The following GPR39 variants were observed in gnomAD, a reference collection of about 807,000 sequenced individuals.
GPR39 encodes G protein-coupled receptor 39.
In GPR39, 23 loss-of-function variants were observed where a neutral mutation model predicts 18.4. That is an observed-to-expected ratio of 1.25 (90% CI 0.90 to 1.77). The LOEUF (loss-of-function observed/expected upper bound fraction) is 1.77, where lower values mean the gene tolerates loss of function less well. Ranked by LOEUF, GPR39 falls within the 40% of genes most tolerant of loss-of-function variation. The pLI is 0.00. For synonymous variants in GPR39, 280 were observed against 257.9 expected (o/e 1.09, Z -0.82); for missense variants, 647 against 602.4 (o/e 1.07, Z -0.78).
At chr2:132,614,182 T>TTTTG (rs1553460242) in intron 1 of GPR39, among the ~76,000 whole-genome samples, 2 of 151,914 alleles carry the variant, frequency 1.3e-5, no homozygotes, top group Non-Finnish European at 2.9e-5. Context: ...GCTTGCTTTT[T>TTTTG]TTTTTGTTTT....
At chr2:132,499,854 G>A (rs963199608) in intron 1 of GPR39, among the ~76,000 whole-genome samples, 7 of 152,066 alleles carry the variant, frequency 4.6e-5, no homozygotes, top group African/African-American at 1.4e-4. Context: ...ACTGTGAAAG[G>A]AGTTGAGTTC....
At chr2:132,490,946 G>T (rs1045225529) in intron 1 of GPR39, among the ~76,000 whole-genome samples, 1 of 152,160 alleles carries the variant, frequency 6.6e-6, no homozygotes, top group Non-Finnish European at 1.5e-5. Context: ...GAGGGCAAAG[G>T]CCACAAATAC....
rs34508615 is a variant in GPR39 at position 132,451,147 on chromosome 2, CTG to C, written c.856+33276_856+33277del. On this transcript the variant is annotated intron_variant, in intron 1 of 1. Coordinates refer to ENST00000329321, the MANE Select transcript of GPR39 (RefSeq NM_001508.3). ...CTGAGAGCCATTGCTATCTTTGAGG[CTG>C]TGTGTGTGTGTGTGTGTGTGTGTGT... 7.0e-3 allele frequency among the ~76,000 whole-genome samples: 740 copies of C among 105,912 alleles called. 9 individuals are homozygous for C. The highest frequency in any genetic ancestry group is 0.017 in the African/African-American group (589 of 35,598). 69.5% of individuals were successfully genotyped at this position (105,912 alleles called of 152,430 possible).
intron 1 of GPR39, among the ~76,000 whole-genome samples, chr2:132,522,953 G>A (rs933502225): frequency 1.3e-5 from 2 of 152,222 alleles, no homozygotes; most frequent in Admixed American, 1.3e-4. Flanking sequence ...CCCTTGGCAT[G>A]TGCATGTGGC....
intron 1 of GPR39, among the ~76,000 whole-genome samples, chr2:132,558,745 G>A (rs1680197615): frequency 1.3e-5 from 2 of 152,288 alleles, no homozygotes; most frequent in Middle Eastern, 3.4e-3. Context: ...CAAGTAATAA[G>A]CATTAGTGAC....
At chr2:132,469,869 T>C (rs991762290) in intron 1 of GPR39, among the ~76,000 whole-genome samples, 1 of 152,226 alleles carries the variant, frequency 6.6e-6, no homozygotes, top group African/African-American at 2.4e-5. Context: ...AGGAGGCTGC[T>C]GTGCCCGAAG....
chr2:132,462,572 G>T (rs1158787150), intron 1 of GPR39, among the ~76,000 whole-genome samples: 2 of 152,288 alleles, frequency 1.3e-5, no homozygotes, highest in East Asian at 3.9e-4. Flanking sequence ...ACAATGACAA[G>T]AACTGCTTTT....
intron 1 of GPR39, among the ~76,000 whole-genome samples, chr2:132,517,950 CT>C (rs565032318): frequency 6.6e-6 from 1 of 152,130 alleles, no homozygotes; most frequent in African/African-American, 2.4e-5. Context: ...CCCATAGGGG[CT>C]TTTTTTCCTT....
At chr2:132,476,520 C>T (rs1352388089) in intron 1 of GPR39, among the ~76,000 whole-genome samples, 1 of 150,314 alleles carries the variant, frequency 6.7e-6, no homozygotes, top group African/African-American at 2.4e-5. Flanking sequence ...CCTGTAATCC[C>T]AGCTACTCAG....
chr2:132,601,145 A>G (rs58828188), intron 1 of GPR39, among the ~76,000 whole-genome samples: 2,838 of 152,270 alleles, frequency 0.019, 82 homozygotes, highest in African/African-American at 0.064. Context: ...TTACCCTGAT[A>G]CCAAACCAGA....
intron 1 of GPR39, among the ~76,000 whole-genome samples, chr2:132,524,720 A>G (rs887393864): frequency 3.3e-5 from 5 of 152,188 alleles, no homozygotes; most frequent in African/African-American, 1.2e-4. Flanking sequence ...AGCCTCCAAA[A>G]TCTAGTACCC....
Position 132,645,267 on chromosome 2 carries a change from G to T in GPR39, c.1023G>T (p.Pro341=). Residue 341 remains proline (P), a synonymous_variant, in exon 2 of 2, where the codon CCG becomes CCT. Transcript: ENST00000329321. ...TCTACCTCAGCTCGGTCATCAACCC[G>T]CTCCTGTACACGGTGTCCTCGCAGC... The part of the protein sequence containing the change: ...TFFYLSSVIN[P]LLYTVSSQQF... 6.2e-7 allele frequency: 1 copy of T among 1,614,074 alleles called. No homozygotes were observed. The highest frequency in any genetic ancestry group is 8.5e-7 in the Non-Finnish European group (1 of 1,179,998).
chr2:132,465,360 C>T (rs143214820), intron 1 of GPR39, among the ~76,000 whole-genome samples: 10 of 152,314 alleles, frequency 6.6e-5, no homozygotes, highest in South Asian at 2.1e-4. Flanking sequence ...ACTCTGGGGC[C>T]TGTAACTACA....
intron 1 of GPR39, chr2:132,433,689 A>C (rs1336857256): frequency 6.6e-6 from 1 of 150,586 alleles, no homozygotes; most frequent in African/African-American, 2.4e-5. Flanking sequence ...TAAAAAAAAA[A>C]ATTCATGAAG....
At chr2:132,585,832 T>C (rs919874986) in intron 1 of GPR39, among the ~76,000 whole-genome samples, 2 of 151,662 alleles carry the variant, frequency 1.3e-5, no homozygotes, top group African/African-American at 4.8e-5. Flanking sequence ...GGCATTCTGG[T>C]GTCCCTCGAG....
chr2:132,631,074 G>T (rs1681642572), intron 1 of GPR39, among the ~76,000 whole-genome samples: 1 of 152,144 alleles, frequency 6.6e-6, no homozygotes, highest in Non-Finnish European at 1.5e-5. Flanking sequence ...TCAGAGTGAC[G>T]GAGGAGGTAC....
intron 1 of GPR39, among the ~76,000 whole-genome samples, chr2:132,445,074 T>TA (rs1239941952): frequency 6.6e-6 from 1 of 152,204 alleles, no homozygotes; most frequent in African/African-American, 2.4e-5. Context: ...TGATAGTTTT[T>TA]AAAAAATTAT....
At chr2:132,482,558 A>G (rs1259417526) in intron 1 of GPR39, among the ~76,000 whole-genome samples, 1 of 152,190 alleles carries the variant, frequency 6.6e-6, no homozygotes, top group Non-Finnish European at 1.5e-5. Context: ...TTCAGATTCA[A>G]GAGAAGGGGA....
chr2:132,444,531 T>C (rs1573605201), intron 1 of GPR39, among the ~76,000 whole-genome samples: 1 of 152,186 alleles, frequency 6.6e-6, no homozygotes, highest in Non-Finnish European at 1.5e-5. Flanking sequence ...CAAGCAGTCT[T>C]CCTGCCTCAG....
Sources: allele counts gnomAD v4.1 joint callset (sites outside exome capture counted in the v4.1 genomes callset), GRCh38; gene constraint gnomAD v4.1.1; transcripts MANE v1.5; gene names NCBI Gene and HGNC (gene_info 2026-07-23, HGNC 2026-07-21).